Variants in CPNE4 observed in about 807,000 individuals in gnomAD.
The protein encoded by CPNE4 is copine-4.
In CPNE4, 25 loss-of-function variants were observed where a neutral mutation model predicts 67.9. The ratio of observed to expected loss-of-function variants is 0.37; its 90% confidence interval spans 0.27 to 0.51. The LOEUF (loss-of-function observed/expected upper bound fraction) is 0.51. CPNE4 is among the 20% of genes least tolerant of loss of function. The probability of loss-of-function intolerance (pLI) is 0.93; values close to 1 mark genes in which losing one functional copy is unlikely to be tolerated. For synonymous variants in CPNE4, 242 were observed against 244.9 expected (o/e 0.99, Z 0.11); for missense variants, 464 against 690.8 (o/e 0.67, Z 3.68).
At chr3:131,852,170 G>A (rs1001935685) in intron 2 of CPNE4, among the ~76,000 whole-genome samples, 32 of 151,984 alleles carry the variant, frequency 2.1e-4, no homozygotes, top group African/African-American at 7.5e-4. Context: ...TTAAGGGTAT[G>A]ATATATTAAT....
intron 2 of CPNE4, among the ~76,000 whole-genome samples, chr3:131,846,407 T>G (rs2085999758): frequency 6.6e-6 from 1 of 152,202 alleles, no homozygotes; most frequent in African/African-American, 2.4e-5. Context: ...CTACCTGGAT[T>G]CTTTCCCCCT....
chr3:131,756,872 C>T (rs895249099), intron 2 of CPNE4, among the ~76,000 whole-genome samples: 4 of 152,192 alleles, frequency 2.6e-5, no homozygotes, highest in Non-Finnish European at 5.9e-5. Context: ...CCATGCTGTT[C>T]TCGTGATAGT....
chr3:131,749,551 T>C lies in CPNE4; in HGVS notation c.181-25926A>G, dbSNP rs78591234. 6.7e-3 allele frequency among the ~76,000 whole-genome samples: 1,016 copies of C among 152,280 alleles called. 5 individuals carry two copies. The highest frequency in any genetic ancestry group is 0.023 in the African/African-American group (962 of 41,570). On this transcript the variant is annotated intron_variant, in intron 2 of 15. Coordinates refer to ENST00000429747, the MANE Select transcript of CPNE4 (RefSeq NM_130808.3). ...ATCAATTGCTGAGAGAGGGGTGTAC[T>C]GAAGTCTCCAGTTTTGATTGTGAAT...
chr3:131,761,209 A>C (rs2107813725), intron 2 of CPNE4, among the ~76,000 whole-genome samples: 1 of 84,900 alleles, frequency 1.2e-5, no homozygotes, highest in Non-Finnish European at 2.3e-5. Context: ...CTCACTTCGT[A>C]CTTTTTTTTT....
At chr3:132,020,573 A>C (rs749925533) in intron 1 of CPNE4, among the ~76,000 whole-genome samples, 6 of 152,202 alleles carry the variant, frequency 3.9e-5, no homozygotes, top group Non-Finnish European at 7.3e-5. Flanking sequence ...TAAAGCATGA[A>C]CATTTCTTTC....
chr3:131,743,075 TAATAA>T (rs1349268513), intron 2 of CPNE4, among the ~76,000 whole-genome samples: 1 of 152,164 alleles, frequency 6.6e-6, no homozygotes, highest in Non-Finnish European at 1.5e-5. Context: ...GGTGGTTCTT[TAATAA>T]AATAAAACAG....
chr3:131,601,297 T>G (rs1225109469), intron 7 of CPNE4, among the ~76,000 whole-genome samples: 2 of 152,124 alleles, frequency 1.3e-5, no homozygotes, highest in African/African-American at 4.8e-5. Context: ...ACACGTTTTT[T>G]TATCAACTAC....
chr3:131,826,641 T>C lies in CPNE4; in HGVS notation c.180+78623A>G, dbSNP rs577374917. On this transcript the variant is annotated intron_variant, in intron 2 of 15. Transcript: ENST00000429747. ...CCTATTCTTTGGAGATTGCTCTATTTTGAAGTTCTTACGTGTATTATAGCT... is the reference window on the plus strand; with the variant it reads ...CCTATTCTTTGGAGATTGCTCTATTCTGAAGTTCTTACGTGTATTATAGCT... Among the ~76,000 whole-genome samples the C allele has an allele frequency of 5.9e-5, 9 of 152,298 alleles. No individual in the cohort carries two copies. In the East Asian group the frequency reaches 1.7e-3, roughly 29 times the overall value.
chr3:131,636,155 T>C (rs1053923561), intron 7 of CPNE4, among the ~76,000 whole-genome samples: 19 of 151,768 alleles, frequency 1.3e-4, no homozygotes, highest in Non-Finnish European at 2.5e-4. Flanking sequence ...TTGAAGGAAC[T>C]GGATCACTGC....
chr3:131,634,048 T>C (rs1322220732), intron 7 of CPNE4, among the ~76,000 whole-genome samples: 1 of 152,188 alleles, frequency 6.6e-6, no homozygotes, highest in Non-Finnish European at 1.5e-5. Context: ...ATGCACATGC[T>C]TAAGGCATTT....
intron 2 of CPNE4, among the ~76,000 whole-genome samples, chr3:131,754,190 A>C (rs1359925103): frequency 1.3e-5 from 2 of 152,180 alleles, no homozygotes; most frequent in Non-Finnish European, 2.9e-5. Flanking sequence ...AATGATAGGC[A>C]CTGTGTTTCC....
intron 3 of CPNE4, among the ~76,000 whole-genome samples, chr3:131,717,882 CTTTCTTTCTT>C (rs1464340270): frequency 9.3e-5 from 5 of 54,054 alleles, no homozygotes; most frequent in East Asian, 6.4e-4. Flanking sequence ...TCTTTTCTTT[CTTTCTTTCTT>C]TCTTTCTTTC....
chr3:132,016,563 GA>G (rs777315574), intron 1 of CPNE4, among the ~76,000 whole-genome samples: 1 of 152,148 alleles, frequency 6.6e-6, no homozygotes, highest in Non-Finnish European at 1.5e-5. Context: ...GAGGAACCCT[GA>G]GAGAGAAAAA....
chr3:131,542,770 C>T lies in CPNE4; in HGVS notation c.1326G>A (p.Leu442=). Residue 442 remains leucine, a synonymous_variant, in exon 15 of 16, where the codon CTG becomes CTA. Coordinates refer to ENST00000429747, the MANE Select transcript of CPNE4 (RefSeq NM_130808.3). ...CCATGTCTGTGATAACACCATCTGT[C>T]AGGATCAGCAGGATGAAGTATTGCT... ...EASQYFILLI[L]TDGVITDMAD... The T allele has an allele frequency of 6.2e-7, 1 of 1,613,320 alleles. No individual in the cohort carries two copies. Among genetic ancestry groups the T allele is most frequent in the African/African-American group, 1.3e-5 (1 of 74,984 alleles).
intron 7 of CPNE4, among the ~76,000 whole-genome samples, chr3:131,658,403 A>G (rs1001136729): frequency 6.6e-6 from 1 of 152,170 alleles, no homozygotes; most frequent in African/African-American, 2.4e-5. Context: ...GGGATTGATG[A>G]TCATTCTAAC....
At chr3:131,649,196 C>T (rs1037132025) in intron 7 of CPNE4, among the ~76,000 whole-genome samples, 2 of 152,134 alleles carry the variant, frequency 1.3e-5, no homozygotes, top group Non-Finnish European at 2.9e-5. Context: ...ATGACAAGCT[C>T]CATTAATATT....
intron 3 of CPNE4, among the ~76,000 whole-genome samples, chr3:131,714,448 G>T (rs1009707739): frequency 6.6e-6 from 1 of 152,140 alleles, no homozygotes; most frequent in Non-Finnish European, 1.5e-5. Context: ...GTGTACATTG[G>T]CCTTTTTGTA....
intron 13 of CPNE4, among the ~76,000 whole-genome samples, chr3:131,551,016 C>G (rs73874115): frequency 0.17 from 25,736 of 151,970 alleles, 2,396 homozygotes; most frequent in African/African-American, 0.26. Flanking sequence ...TTGTCTGTGC[C>G]TGTGTTATTG....
At chr3:131,827,475 C>T (rs2085208325) in intron 2 of CPNE4, among the ~76,000 whole-genome samples, 1 of 152,052 alleles carries the variant, frequency 6.6e-6, no homozygotes, top group Non-Finnish European at 1.5e-5. Context: ...AGAAAAGCAG[C>T]AACGGACAAA....
Sources: allele counts gnomAD v4.1 joint callset (sites outside exome capture counted in the v4.1 genomes callset), GRCh38; gene constraint gnomAD v4.1.1; transcripts MANE v1.5; gene names NCBI Gene and HGNC (gene_info 2026-07-23, HGNC 2026-07-21).